Variants in CREBRF observed in about 807,000 individuals in gnomAD.
CREBRF encodes UPF0474 protein C5orf41.
In CREBRF, 5 loss-of-function variants were observed where a neutral mutation model predicts 66.1. That is an observed-to-expected ratio of 0.08 (90% CI 0.04 to 0.16). The LOEUF is 0.16. Ranked by LOEUF, CREBRF falls within the 10% of genes least tolerant of loss-of-function variation. CREBRF has a pLI of 1.00. For synonymous variants in CREBRF, 229 were observed against 264.4 expected (o/e 0.87, Z 1.30); for missense variants, 531 against 744.9 (o/e 0.71, Z 3.34).
intron 4 of CREBRF, among the ~76,000 whole-genome samples, chr5:173,104,913 C>A (rs929442861): frequency 5.9e-5 from 9 of 152,140 alleles, no homozygotes; most frequent in Non-Finnish European, 1.3e-4. Flanking sequence ...ATAAAAAAAT[C>A]TTCATGATTC....
chr5:173,124,079 A>G (rs929998307), intron 8 of CREBRF: 44 of 152,194 alleles, frequency 2.9e-4, no homozygotes, highest in Non-Finnish European at 1.5e-4. Context: ...TTAACATTAC[A>G]AGAAAAAGTT....
intron 4 of CREBRF, chr5:173,091,766 C>A (rs891611008): frequency 2.0e-6 from 2 of 997,150 alleles, no homozygotes; most frequent in African/African-American, 3.5e-5. Flanking sequence ...TGCAAAGACA[C>A]CAATAATTTA....
At chr5:173,056,613 C>T in intron 1 of CREBRF, 134 bp downstream of exon 1, 1 of 388,322 alleles carries the variant, frequency 2.6e-6, no homozygotes, top group African/African-American at 2.1e-5. Flanking sequence ...GGGGCGGGGG[C>T]CGGGACCACG....
intron 1 of CREBRF, among the ~76,000 whole-genome samples, chr5:173,078,080 C>G (rs947800369): frequency 6.6e-6 from 1 of 152,076 alleles, no homozygotes; most frequent in Non-Finnish European, 1.5e-5. Flanking sequence ...AGGTATATAC[C>G]TAGGAGTGGA....
intron 4 of CREBRF, among the ~76,000 whole-genome samples, chr5:173,105,278 G>A (rs1333973630): frequency 6.6e-6 from 1 of 151,626 alleles, no homozygotes; most frequent in African/African-American, 2.4e-5. Context: ...TGAGGAAGCT[G>A]TGTATAAAAT....
At chr5:173,099,802 G>A (rs251229) in intron 4 of CREBRF, among the ~76,000 whole-genome samples, 100,468 of 151,698 alleles carry the variant, frequency 0.66, 33,777 homozygotes, top group African/African-American at 0.72. Context: ...TCGGCTATAT[G>A]TAAAATCTCT....
intron 2 of CREBRF, among the ~76,000 whole-genome samples, chr5:173,082,302 C>CATGCCTGGCCGA (rs1554123779): frequency 6.6e-6 from 1 of 151,494 alleles, no homozygotes; most frequent in Non-Finnish European, 1.5e-5. Context: ...CGTGAGCCAC[C>CATGCCTGGCCGA]GTGCCTGGCC....
In CREBRF at chr5:173,137,323, A is replaced by G. The variant is rs1426510603; in HGVS notation, c.*3578A>G. 2 of 152,104 alleles carry G rather than the reference A, an allele frequency of 1.3e-5. No individual in the cohort carries two copies. The highest frequency in any genetic ancestry group is 4.8e-5 in the African/African-American group (2 of 41,450). 9.4% of individuals were successfully genotyped at this position (152,104 alleles called of 1,614,324 possible). Reference sequence around the variant, plus strand: ...GCATCATGAAGGATTTCAGATGGGTATGGTTTCAAATTCCCTCTCTTTATA... The same window carrying G: ...GCATCATGAAGGATTTCAGATGGGTGTGGTTTCAAATTCCCTCTCTTTATA... On this transcript the variant is annotated 3_prime_UTR_variant, in exon 9 of 9. Transcript: ENST00000296953.
intron 2 of CREBRF, among the ~76,000 whole-genome samples, chr5:173,083,774 G>A (rs1409785044): frequency 6.6e-6 from 1 of 152,186 alleles, no homozygotes; most frequent in African/African-American, 2.4e-5. Context: ...GAAAGTACTC[G>A]ATAGGTGCTG....
chr5:173,079,498 A>G (rs1023487933), intron 1 of CREBRF, among the ~76,000 whole-genome samples: 2 of 151,838 alleles, frequency 1.3e-5, no homozygotes, highest in East Asian at 3.9e-4. Flanking sequence ...AATTAATACA[A>G]TGTACCACTG....
Position 173,080,607 on chromosome 5 carries a change from TAAA to T in CREBRF, c.-163_-161del. The T allele has an allele frequency of 1.6e-6, 1 of 614,704 alleles. No individual in the cohort carries two copies. The highest frequency in any genetic ancestry group is 2.2e-5 in the South Asian group (1 of 45,924). 38.1% of individuals were successfully genotyped at this position (614,704 alleles called of 1,614,324 possible). A position where few individuals can be genotyped will look rare whatever the true frequency, so the allele number is the denominator to read the frequency against. On this transcript the variant is annotated 5_prime_UTR_variant, in exon 2 of 9. Coordinates refer to ENST00000296953, the MANE Select transcript of CREBRF (RefSeq NM_153607.3). ...CAGACAGCATCGCACAGAATTATTT[TAAA>T]AAAAAGCAGTGATCCAAGCAATTGA...
rs1380796261 is a variant in CREBRF, at chr5:173,056,451, C to G, written c.-220C>G. On this transcript the variant is annotated 5_prime_UTR_variant, in exon 1 of 9. Transcript: ENST00000296953. ...GTGGCCCCTGCAGCGGAACCGGACC[C>G]AGTCCCTGAGCCGCCCCTACACCCA... The G allele has an allele frequency of 7.5e-6, 3 of 398,388 alleles. No homozygotes were observed. In the East Asian group the frequency reaches 1.1e-4, roughly 14 times the overall value. 24.7% of individuals were successfully genotyped at this position (398,388 alleles called of 1,614,324 possible).
In CREBRF at chr5:173,108,695, A is replaced by G. The variant is rs757553134; in HGVS notation, c.1294A>G (p.Arg432Gly). Residue 432 changes from arginine (R) to glycine (G), a missense_variant, in exon 5 of 9, where the codon AGA (arginine) becomes GGA (glycine). Arg to Gly is a moderately radical substitution (Grantham distance 125). Coordinates refer to ENST00000296953, the MANE Select transcript of CREBRF (RefSeq NM_153607.3). ...SISSRKRGKR[R>G]YFWEYSEQLT... ...ATCTTCACGGAAGAGAGGTAAAAGA[A>G]GATACTTCTGGGAGTATAGTGAACA... The G allele has an allele frequency of 6.2e-7, 1 of 1,614,106 alleles. No individual in the cohort carries two copies. The highest frequency in any genetic ancestry group is 8.5e-7 in the Non-Finnish European group (1 of 1,179,986).
chr5:173,058,786 C>CT (rs70984932), intron 1 of CREBRF, among the ~76,000 whole-genome samples: 2,975 of 64,064 alleles, frequency 0.046, 266 homozygotes, highest in Non-Finnish European at 0.062. Context: ...CGCCCAGCCT[C>CT]TTTTTTTTTT....
At chr5:173,067,140 T>TGTC (rs1757458551) in intron 1 of CREBRF, among the ~76,000 whole-genome samples, 1 of 152,230 alleles carries the variant, frequency 6.6e-6, no homozygotes, top group Admixed American at 6.5e-5. Flanking sequence ...CCTGAGCCTT[T>TGTC]GTCATTGTAT....
intron 1 of CREBRF, among the ~76,000 whole-genome samples, chr5:173,059,256 CTTTTTTTTCTTTTTT>C (rs1757184569): frequency 8.5e-6 from 1 of 117,644 alleles, no homozygotes; most frequent in Non-Finnish European, 1.8e-5. Context: ...TCTTCTTTTT[CTTTTTTTTCTTTTTT>C]TTTTTTTTTT....
At chr5:173,070,679 TAAA>T (rs1194254159) in intron 1 of CREBRF, among the ~76,000 whole-genome samples, 4 of 151,994 alleles carry the variant, frequency 2.6e-5, no homozygotes, top group African/African-American at 4.8e-5. Context: ...TCTTGGAAAT[TAAA>T]AAAAATTCAG....
chr5:173,120,758 ATCACAGC>A (rs1410035358), intron 7 of CREBRF, among the ~76,000 whole-genome samples: 2 of 135,220 alleles, frequency 1.5e-5, no homozygotes, highest in African/African-American at 5.6e-5. Context: ...CAGTGGTGCA[ATCACAGC>A]TCACTGTAAC....
intron 1 of CREBRF, among the ~76,000 whole-genome samples, chr5:173,062,461 T>A (rs1431257158): frequency 1.3e-5 from 2 of 152,218 alleles, no homozygotes; most frequent in African/African-American, 4.8e-5. Context: ...ACAAAAAGCC[T>A]TCATTCTAAA....
Sources: gnomAD v4.1 joint callset for allele counts (sites outside exome capture counted in the v4.1 genomes callset) on GRCh38, gnomAD v4.1.1 for gene constraint, MANE v1.5 for transcripts, NCBI Gene and HGNC (gene_info 2026-07-23, HGNC 2026-07-21) for gene names.